PCDH11X: variants seen among roughly 807,000 people sequenced by gnomAD.
PCDH11X encodes the protein protocadherin 11 X-linked, also known as protocadherin-11 X-linked.
Under a neutral mutation model 53.3 loss-of-function variants are expected in PCDH11X, and 18 were observed. The observed-to-expected ratio is 0.34, with a 90% CI of 0.23 to 0.50. The LOEUF (loss-of-function observed/expected upper bound fraction) is 0.50. PCDH11X is among the 20% of genes least tolerant of loss of function. PCDH11X has a pLI of 0.98. For synonymous variants in PCDH11X, 279 were observed against 393.3 expected (o/e 0.71, Z 3.44); for missense variants, 570 against 1,032.4 (o/e 0.55, Z 6.14).
Position 92,209,848 on chromosome X carries a change from C to T in PCDH11X, c.3114+8393C>T, listed in dbSNP as rs772928949. ...TTCCATACATCCTCTGAAACCTAGG[C>T]GGAGGCTCCCAAGCCTCACCTCTTG... On this transcript the variant is annotated intron_variant, in intron 7 of 10. Coordinates refer to ENST00000682573, the MANE Select transcript of PCDH11X (RefSeq NM_032968.5). 1.3e-4 allele frequency among the ~76,000 whole-genome samples: 15 copies of T among 112,364 alleles called. No homozygotes were observed. The East Asian group carries it at 1.7e-3, about 13-fold the overall frequency.
chrX:92,539,560 A>G (rs745319928), intron 10 of PCDH11X, among the ~76,000 whole-genome samples: 1 of 111,441 alleles, frequency 9.0e-6, no homozygotes, highest in Admixed American at 9.5e-5. Flanking sequence ...ATCTGTCTGA[A>G]AGGTCACATG....
intron 6 of PCDH11X, among the ~76,000 whole-genome samples, chrX:91,934,590 T>A (rs1253371516): frequency 1.8e-5 from 2 of 108,683 alleles, no homozygotes; most frequent in African/African-American, 6.7e-5. Flanking sequence ...TAAAACTGAC[T>A]AGGGGCACCT....
At chrX:92,578,400 G>A (rs1923233208) in intron 10 of PCDH11X, among the ~76,000 whole-genome samples, 2 of 110,542 alleles carry the variant, frequency 1.8e-5, no homozygotes, top group Admixed American at 1.9e-4. Flanking sequence ...TTGTGTGGGA[G>A]TCTAAGTCTC....
At chrX:92,085,077 G>A (rs917441694) in intron 6 of PCDH11X, among the ~76,000 whole-genome samples, 3 of 110,628 alleles carry the variant, frequency 2.7e-5, no homozygotes, top group African/African-American at 9.9e-5. Flanking sequence ...ACTCTGCATA[G>A]TAGTGTGGAC....
At chrX:92,126,710 A>AGTGTGT (rs71913292) in intron 6 of PCDH11X, among the ~76,000 whole-genome samples, 85 of 100,596 alleles carry the variant, frequency 8.4e-4, no homozygotes, top group South Asian at 4.6e-3. Flanking sequence ...ATATGTGGGG[A>AGTGTGT]GTGTGTGTGT....
At position 92,038,758 on chromosome X, in the gene PCDH11X, G is replaced by A. The variant is rs762659336; in HGVS notation, c.3033+159485G>A. ...ACCCAGAGGGAGGTGATTGAAATGG[G>A]GACGGGTCTTTCCTATGCTGTTCTT... On this transcript the variant is annotated intron_variant, in intron 6 of 10. Transcript: ENST00000682573. Among the ~76,000 whole-genome samples the A allele has an allele frequency of 7.8e-3, 831 of 106,764 alleles. 5 individuals carry two copies. The highest frequency in any genetic ancestry group is 0.018 in the Middle Eastern group (4 of 218). 92.7% of individuals were successfully genotyped at this position (106,764 alleles called of 115,157 possible).
chrX:92,176,203 G>T (rs1346901959), intron 6 of PCDH11X, among the ~76,000 whole-genome samples: 1 of 111,448 alleles, frequency 9.0e-6, no homozygotes, highest in Admixed American at 9.6e-5. Context: ...TCTCAGATAG[G>T]ATCTTGACAA....
intron 6 of PCDH11X, among the ~76,000 whole-genome samples, chrX:91,993,824 A>C (rs1039256462): frequency 9.1e-6 from 1 of 110,402 alleles, no homozygotes; most frequent in African/African-American, 3.3e-5. Context: ...CTGCAGGAGT[A>C]ATGCTTCTTT....
intron 6 of PCDH11X, among the ~76,000 whole-genome samples, chrX:92,168,922 A>G (rs2148272388): frequency 8.9e-6 from 1 of 111,939 alleles, no homozygotes; most frequent in African/African-American, 3.2e-5. Context: ...CAAATATTCA[A>G]TGTTTGTTAA....
At chrX:91,833,671 T>C (rs1300337543) in intron 4 of PCDH11X, among the ~76,000 whole-genome samples, 2 of 112,136 alleles carry the variant, frequency 1.8e-5, no homozygotes, top group African/African-American at 6.5e-5. Flanking sequence ...ACCTAAACTA[T>C]CTTGATTGTT....
chrX:92,552,974 G>A (rs1447884613), intron 10 of PCDH11X, among the ~76,000 whole-genome samples: 2 of 100,072 alleles, frequency 2.0e-5, no homozygotes, highest in East Asian at 6.4e-4. Context: ...TACTCATCAC[G>A]GATATTGTCC....
At chrX:91,892,959 C>T (rs1210524822) in intron 6 of PCDH11X, among the ~76,000 whole-genome samples, 1 of 109,999 alleles carries the variant, frequency 9.1e-6, no homozygotes, top group Non-Finnish European at 1.9e-5. Flanking sequence ...GCCAAGAACA[C>T]AATTTTAATA....
chrX:92,111,526 G>A (rs2064512309), intron 6 of PCDH11X, among the ~76,000 whole-genome samples: 1 of 109,068 alleles, frequency 9.2e-6, no homozygotes, highest in African/African-American at 3.3e-5. Context: ...AAGGTAGAAT[G>A]TAAGAAGAAA....
At chrX:92,567,668 ATAGGAG>A (rs2148769504) in intron 10 of PCDH11X, among the ~76,000 whole-genome samples, 1 of 110,070 alleles carries the variant, frequency 9.1e-6, no homozygotes, top group East Asian at 2.9e-4. Flanking sequence ...ACTATATTGA[ATAGGAG>A]TAGTGAGAGA....
intron 6 of PCDH11X, among the ~76,000 whole-genome samples, chrX:92,127,527 T>C (rs998056387): frequency 9.6e-6 from 1 of 103,676 alleles, no homozygotes; most frequent in Non-Finnish European, 2.0e-5. Context: ...ACTTTTTTTT[T>C]TTTTTTTTTT....
At position 92,471,802 on chromosome X, in the gene PCDH11X, T is replaced by A. The variant is rs1377090133; in HGVS notation, c.3367+3480T>A. Among the ~76,000 whole-genome samples the A allele has an allele frequency of 6.1e-4, 63 of 104,060 alleles. 2 individuals carry two copies. The highest frequency in any genetic ancestry group is 1.6e-4 in the Non-Finnish European group (8 of 50,811). 90.4% of individuals were successfully genotyped at this position (104,060 alleles called of 115,157 possible). A position where few individuals can be genotyped will look rare whatever the true frequency, so the allele number is the denominator to read the frequency against. On this transcript the variant is annotated intron_variant, in intron 10 of 10. Transcript: ENST00000682573. ...CTATTTGACTTTTTTGTAGCCTTTC[T>A]GACTGGTGTGAGATAGTATCTCATT...
intron 8 of PCDH11X, among the ~76,000 whole-genome samples, chrX:92,263,534 T>C (rs142707031): frequency 0.015 from 1,726 of 111,975 alleles, 32 homozygotes; most frequent in African/African-American, 0.053. Flanking sequence ...TAAATCATGA[T>C]ATTTGATAGG....
chrX:92,116,661 A>G (rs2064644334), intron 6 of PCDH11X, among the ~76,000 whole-genome samples: 1 of 111,190 alleles, frequency 9.0e-6, no homozygotes, highest in East Asian at 2.8e-4. Context: ...ATCACAGCTC[A>G]TCGTAACTCC....
intron 5 of PCDH11X, among the ~76,000 whole-genome samples, chrX:91,860,129 T>A (rs1938579944): frequency 9.1e-6 from 1 of 110,164 alleles, no homozygotes; most frequent in Admixed American, 9.8e-5. Context: ...GTTTGTGTCC[T>A]CTTTGATTTC....
Sources: allele counts gnomAD v4.1 joint callset (sites outside exome capture counted in the v4.1 genomes callset), GRCh38; gene constraint gnomAD v4.1.1; transcripts MANE v1.5; gene names NCBI Gene and HGNC (gene_info 2026-07-23, HGNC 2026-07-21).